C12orf75: variants seen among roughly 807,000 people sequenced by gnomAD.
C12orf75 encodes overexpressed in colon carcinoma 1 protein.
C12orf75 carries 4 observed loss-of-function variants against 11.4 expected under a neutral mutation model. The observed-to-expected ratio is 0.35, with a 90% confidence interval of 0.17 to 0.80. C12orf75 has a LOEUF of 0.80. Among genes scored for constraint, C12orf75 ranks in the 30% least tolerant of loss-of-function variants. C12orf75 has a pLI of 0.52. For missense variants in C12orf75, 89 were observed against 80.4 expected (o/e 1.11, Z -0.41); for synonymous variants, 30 against 30.0 (o/e 1.00, Z 0.00).
chr12:105,341,339 G>A (rs1447355245), intron 1 of C12orf75, among the ~76,000 whole-genome samples: 8 of 151,442 alleles, frequency 5.3e-5, no homozygotes, highest in Admixed American at 2.6e-4. Flanking sequence ...CTAATTCTTT[G>A]ACACCAAGTG....
intron 1 of C12orf75, among the ~76,000 whole-genome samples, chr12:105,344,472 G>A (rs1181073114): frequency 6.6e-6 from 1 of 152,160 alleles, no homozygotes; most frequent in Admixed American, 6.5e-5. Context: ...GCCGGGTGTA[G>A]TGGCTCACAT....
chr12:105,348,553 G>A (rs746115163), intron 1 of C12orf75, 49 bp from the exon 2 acceptor site: 1 of 1,337,338 alleles, frequency 7.5e-7, no homozygotes, highest in South Asian at 1.6e-5. Context: ...CAACATTTTT[G>A]TAGCAATACT....
intron 2 of C12orf75, among the ~76,000 whole-genome samples, chr12:105,356,586 G>A (rs894538034): frequency 2.0e-5 from 3 of 152,134 alleles, no homozygotes; most frequent in Admixed American, 1.3e-4. Flanking sequence ...AGGGAAGTGA[G>A]AACTTTCTGA....
At chr12:105,364,674 C>T (rs1871410737) in intron 2 of C12orf75, among the ~76,000 whole-genome samples, 1 of 152,014 alleles carries the variant, frequency 6.6e-6, no homozygotes, top group African/African-American at 2.4e-5. Context: ...CAACTGAAGC[C>T]CCTTAGTGTT....
chr12:105,366,659 C>G lies in C12orf75; in HGVS notation c.150C>G (p.Val50=). The change falls in exon 4 of 6, where the codon GTC becomes GTG. Residue 50 remains valine (V), a synonymous_variant. Transcript: ENST00000443585. ...GVYVGLPSEA[V]NMVSSQTKTV... Reference sequence around the variant, plus strand: ...ATGTTGGCCTACCATCTGAAGCTGTCAATATGGTGTCCAGTCAAACAAAGA... The same window carrying G: ...ATGTTGGCCTACCATCTGAAGCTGTGAATATGGTGTCCAGTCAAACAAAGA... 1 of 1,543,942 alleles carries G rather than the reference C, an allele frequency of 6.5e-7. No homozygotes were observed.
intron 1 of C12orf75, among the ~76,000 whole-genome samples, chr12:105,347,603 A>G (rs1248055547): frequency 4.6e-5 from 7 of 152,228 alleles, no homozygotes; most frequent in Non-Finnish European, 1.0e-4. Flanking sequence ...GCTTTATTCT[A>G]GCTGTGCTGA....
At chr12:105,344,423 G>A (rs2060205) in intron 1 of C12orf75, among the ~76,000 whole-genome samples, 121 of 152,252 alleles carry the variant, frequency 7.9e-4, no homozygotes, top group Middle Eastern at 3.4e-3. Flanking sequence ...CCTGTGGATT[G>A]TACTAGGTCA....
At chr12:105,342,638 T>G (rs965799118) in intron 1 of C12orf75, among the ~76,000 whole-genome samples, 2 of 152,206 alleles carry the variant, frequency 1.3e-5, no homozygotes, top group African/African-American at 4.8e-5. Context: ...TGGAGCTCAA[T>G]GTTCCAAGCT....
intron 2 of C12orf75, among the ~76,000 whole-genome samples, chr12:105,355,284 C>T (rs1386967978): frequency 4.0e-5 from 6 of 151,370 alleles, no homozygotes; most frequent in Non-Finnish European, 7.4e-5. Context: ...ATTCTCCTGC[C>T]TCAGCCTCCC....
chr12:105,357,807 T>TGTGTGTGTGTGTGTGAGAGA (rs1491090986), intron 2 of C12orf75, among the ~76,000 whole-genome samples: 4 of 122,894 alleles, frequency 3.3e-5, no homozygotes, highest in African/African-American at 7.0e-5. Flanking sequence ...TGTGTGTGTG[T>TGTGTGTGTGTGTGTGAGAGA]GAGAGAGAGA....
intron 2 of C12orf75, among the ~76,000 whole-genome samples, chr12:105,358,683 GTCTTGA>G (rs2136149248): frequency 6.6e-6 from 1 of 152,260 alleles, no homozygotes; most frequent in East Asian, 1.9e-4. Context: ...ACAAAACATT[GTCTTGA>G]TACCAGAGAA....
At chr12:105,346,375 T>C (rs759046039) in intron 1 of C12orf75, among the ~76,000 whole-genome samples, 2 of 152,228 alleles carry the variant, frequency 1.3e-5, no homozygotes, top group Non-Finnish European at 2.9e-5. Flanking sequence ...CTCAATACTT[T>C]TTGATTTACA....
chr12:105,353,019 G>A (rs1892733772), intron 2 of C12orf75, among the ~76,000 whole-genome samples: 1 of 152,160 alleles, frequency 6.6e-6, no homozygotes, highest in South Asian at 2.1e-4. Context: ...CATCAACCAT[G>A]TTCTTATTTT....
chr12:105,339,239 A>T (rs1892535766), intron 1 of C12orf75, among the ~76,000 whole-genome samples: 1 of 101,786 alleles, frequency 9.8e-6, no homozygotes, highest in Non-Finnish European at 2.5e-5. Context: ...TTCTGCAGTT[A>T]TATTTATATA....
At chr12:105,333,961 A>G (rs1892469539) in intron 1 of C12orf75, among the ~76,000 whole-genome samples, 1 of 152,194 alleles carries the variant, frequency 6.6e-6, no homozygotes, top group African/African-American at 2.4e-5. Flanking sequence ...TTTCCCTGAG[A>G]TAGCAGGATG....
chr12:105,343,293 C>A (rs1483473176), intron 1 of C12orf75, among the ~76,000 whole-genome samples: 1 of 152,076 alleles, frequency 6.6e-6, no homozygotes, highest in Non-Finnish European at 1.5e-5. Context: ...GGCCCTAGGC[C>A]CATTGTATTA....
At chr12:105,346,350 T>C (rs1035438298) in intron 1 of C12orf75, among the ~76,000 whole-genome samples, 6 of 152,216 alleles carry the variant, frequency 3.9e-5, no homozygotes, top group Admixed American at 6.5e-5. Flanking sequence ...AACTTCTAAA[T>C]TGATTGAGAC....
rs200950023 is a variant in C12orf75, at chr12:105,355,168, C to CTTTTTTTTT, written c.71+6547_71+6548insTTTTTTTTT. On this transcript the variant is annotated intron_variant, in intron 2 of 5. Transcript: ENST00000443585. Reference sequence around the variant, plus strand: ...GGGTGGTTTTCACGAATTTCTTTTTCTTTTTCTTTTTCTTTTTTTTTTTCA... The same window carrying CTTTTTTTTT: ...GGGTGGTTTTCACGAATTTCTTTTTCTTTTTTTTTTTTTTCTTTTTCTTTTTTTTTTTCA... 7.5e-4 allele frequency among the ~76,000 whole-genome samples: 56 copies of CTTTTTTTTT among 74,218 alleles called. 7 individuals are homozygous for CTTTTTTTTT. Among genetic ancestry groups the CTTTTTTTTT allele is most frequent in the African/African-American group, 2.5e-3 (55 of 21,900 alleles). 48.7% of individuals were successfully genotyped at this position (74,218 alleles called of 152,430 possible).
chr12:105,331,023 G>A, intron 1 of C12orf75, 86 bp downstream of exon 1: 3 of 836,118 alleles, frequency 3.6e-6, no homozygotes, highest in Non-Finnish European at 4.8e-6. Flanking sequence ...GGTGGGGGGC[G>A]CGCAGCCCCC....
Sources: gnomAD v4.1 joint callset for allele counts (sites outside exome capture counted in the v4.1 genomes callset) on GRCh38, gnomAD v4.1.1 for gene constraint, MANE v1.5 for transcripts, NCBI Gene and HGNC (gene_info 2026-07-23, HGNC 2026-07-21) for gene names.